The following AFG2A variants were observed in gnomAD, a reference collection of about 807,000 sequenced individuals.
The protein encoded by AFG2A is AAA ATPase AFG2A.
the AFG2A span, among the ~76,000 whole-genome samples, chr4:122,963,781 A>G: frequency 6.6e-6 from 1 of 152,236 alleles, no homozygotes; most frequent in African/African-American, 2.4e-5. Flanking sequence ...AGATATAGTG[A>G]TTGTCAATTT....
chr4:123,116,134 C>T, the AFG2A span, among the ~76,000 whole-genome samples: 1 of 152,248 alleles, frequency 6.6e-6, no homozygotes, highest in African/African-American at 2.4e-5. Flanking sequence ...CCCAGGCTCT[C>T]ACAGTCCTCC....
chr4:123,164,411 T>C, the AFG2A span, among the ~76,000 whole-genome samples: 2 of 152,180 alleles, frequency 1.3e-5, no homozygotes, highest in African/African-American at 4.8e-5. Context: ...TCACCCAGGC[T>C]GGAGTGCAGT....
At chr4:122,936,387 A>G in the AFG2A span, among the ~76,000 whole-genome samples, 124 of 152,376 alleles carry the variant, frequency 8.1e-4, 1 homozygote, top group African/African-American at 2.7e-3. Flanking sequence ...TTGATAAGTC[A>G]TGTGACCTTG....
chr4:123,006,712 A>G, the AFG2A span, among the ~76,000 whole-genome samples: 2 of 152,042 alleles, frequency 1.3e-5, no homozygotes, highest in Admixed American at 6.5e-5. Context: ...ATCTTCTTAA[A>G]ATGTTATACT....
the AFG2A span, among the ~76,000 whole-genome samples, chr4:123,169,767 C>G: frequency 1.8e-4 from 28 of 152,290 alleles, no homozygotes; most frequent in Non-Finnish European, 3.5e-4. Flanking sequence ...AGTTGTGAGC[C>G]ACCGCGCCCG....
chr4:123,143,944 G>A, the AFG2A span, among the ~76,000 whole-genome samples: 2 of 149,702 alleles, frequency 1.3e-5, no homozygotes, highest in African/African-American at 4.9e-5. Flanking sequence ...CTGGTGTTTT[G>A]TAAGGGCTAT....
the AFG2A span, among the ~76,000 whole-genome samples, chr4:123,302,539 C>G: frequency 9.2e-5 from 14 of 151,468 alleles, no homozygotes; most frequent in Non-Finnish European, 1.9e-4. Flanking sequence ...AAGGCAAAAA[C>G]TAGTTTATAT....
chr4:123,213,778 C>G, the AFG2A span, among the ~76,000 whole-genome samples: 1 of 152,176 alleles, frequency 6.6e-6, no homozygotes, highest in African/African-American at 2.4e-5. Flanking sequence ...GCATGGAACA[C>G]TTGACAACCA....
chr4:123,006,896 TTA>T, the AFG2A span, among the ~76,000 whole-genome samples: 1 of 24,274 alleles, frequency 4.1e-5, no homozygotes, highest in Non-Finnish European at 1.6e-4. Context: ...TGCATGCTTG[TTA>T]TTTTTTTTTT....
the AFG2A span, among the ~76,000 whole-genome samples, chr4:123,084,821 G>A: frequency 6.6e-6 from 1 of 151,880 alleles, no homozygotes; most frequent in Non-Finnish European, 1.5e-5. Context: ...TATGGAGATG[G>A]GGTCTCACTC....
At chr4:122,995,435 A>G in the AFG2A span, among the ~76,000 whole-genome samples, 5 of 152,190 alleles carry the variant, frequency 3.3e-5, no homozygotes, top group African/African-American at 9.6e-5. Flanking sequence ...TGAACAGGAA[A>G]GCACATTTGG....
At chr4:122,973,878 G>A in the AFG2A span, among the ~76,000 whole-genome samples, 1 of 152,096 alleles carries the variant, frequency 6.6e-6, no homozygotes, top group Non-Finnish European at 1.5e-5. Flanking sequence ...AAGACACACA[G>A]TGTTGCCCAG....
chr4:123,042,964 C>A, the AFG2A span, among the ~76,000 whole-genome samples: 1 of 152,032 alleles, frequency 6.6e-6, no homozygotes, highest in Admixed American at 6.6e-5. Context: ...ATATATTTGC[C>A]GTTTCTAACC....
At chr4:122,975,663 T>G in the AFG2A span, among the ~76,000 whole-genome samples, 2 of 152,044 alleles carry the variant, frequency 1.3e-5, no homozygotes, top group Non-Finnish European at 2.9e-5. Flanking sequence ...AGGGGAGCCT[T>G]GAATTGTAGA....
At chr4:123,089,287 A>G in the AFG2A span, among the ~76,000 whole-genome samples, 1 of 152,332 alleles carries the variant, frequency 6.6e-6, no homozygotes, top group African/African-American at 2.4e-5. Context: ...AATATATTAC[A>G]TGATGATTAT....
chr4:123,231,808 C>G, the AFG2A span, among the ~76,000 whole-genome samples: 2 of 151,938 alleles, frequency 1.3e-5, no homozygotes, highest in South Asian at 4.2e-4. Context: ...TATTGTGTCT[C>G]AGGGCATAGG....
the AFG2A span, chr4:123,056,484 C>T: frequency 2.0e-6 from 3 of 1,534,000 alleles, no homozygotes; most frequent in Admixed American, 3.9e-5. Context: ...AGGAGAATCA[C>T]ACTTCTGTCC....
the AFG2A span, among the ~76,000 whole-genome samples, chr4:123,312,739 G>A: frequency 2.6e-5 from 4 of 152,016 alleles, no homozygotes; most frequent in African/African-American, 4.8e-5. Context: ...TAACTTCGGC[G>A]CTCATTAATG....
the AFG2A span, among the ~76,000 whole-genome samples, chr4:123,157,170 C>T: frequency 6.6e-6 from 1 of 151,898 alleles, no homozygotes; most frequent in African/African-American, 2.4e-5. Context: ...TGCCTGCCAC[C>T]ACGCCCAGCT....
Sources: gnomAD v4.1 joint callset for allele counts (sites outside exome capture counted in the v4.1 genomes callset) on GRCh38, gnomAD v4.1.1 for gene constraint, MANE v1.5 for transcripts, NCBI Gene and HGNC (gene_info 2026-07-23, HGNC 2026-07-21) for gene names.